Variants in RAB2A observed in about 807,000 individuals in gnomAD.
The protein encoded by RAB2A is RAB2A, member RAS oncogene family.
RAB2A carries 7 observed loss-of-function variants against 32.5 expected under a neutral mutation model. The ratio of observed to expected loss-of-function variants is 0.22; its 90% CI spans 0.12 to 0.40. The LOEUF (loss-of-function observed/expected upper bound fraction) is 0.40. RAB2A is among the 10% of genes least tolerant of loss of function. RAB2A has a pLI of 1.00. For missense variants in RAB2A, 108 were observed against 260.7 expected (o/e 0.41, Z 4.03); for synonymous variants, 79 against 85.2 (o/e 0.93, Z 0.40).
chr8:60,537,159 T>C (rs1027992299), intron 1 of RAB2A, among the ~76,000 whole-genome samples: 3 of 152,214 alleles, frequency 2.0e-5, no homozygotes, highest in Non-Finnish European at 4.4e-5. Context: ...TGTGTGTAAA[T>C]GCATATATAT....
chr8:60,605,884 C>A (rs991243800), intron 6 of RAB2A, among the ~76,000 whole-genome samples: 1 of 142,176 alleles, frequency 7.0e-6, no homozygotes, highest in South Asian at 2.2e-4. Flanking sequence ...GGTGGTGGCT[C>A]ACGCCTATAA....
At chr8:60,580,230 C>T (rs1803720051) in intron 3 of RAB2A, among the ~76,000 whole-genome samples, 2 of 151,676 alleles carry the variant, frequency 1.3e-5, no homozygotes, top group African/African-American at 2.4e-5. Flanking sequence ...CGCCTGACCT[C>T]GTGATCTGCC....
intron 5 of RAB2A, among the ~76,000 whole-genome samples, chr8:60,586,276 A>G (rs1803844588): frequency 1.3e-5 from 2 of 148,292 alleles, no homozygotes. Flanking sequence ...CAGCCTGAGC[A>G]ACAAAGCAAG....
intron 2 of RAB2A, among the ~76,000 whole-genome samples, chr8:60,566,010 G>GC (rs1232160979): frequency 3.3e-5 from 5 of 152,022 alleles, no homozygotes; most frequent in Non-Finnish European, 5.9e-5. Context: ...ACCATGCCTG[G>GC]CCCTCTGTAG....
At chr8:60,528,664 A>G (rs965268256) in intron 1 of RAB2A, among the ~76,000 whole-genome samples, 1 of 151,984 alleles carries the variant, frequency 6.6e-6, no homozygotes. Flanking sequence ...TGTTATCAAG[A>G]TTCCTTTTAT....
At chr8:60,541,976 A>G (rs1330974005) in intron 1 of RAB2A, among the ~76,000 whole-genome samples, 2 of 152,212 alleles carry the variant, frequency 1.3e-5, no homozygotes, top group African/African-American at 4.8e-5. Flanking sequence ...ATACATTCAC[A>G]GGCAGAAAAT....
chr8:60,517,144 G>A lies in RAB2A; in HGVS notation c.-64G>A. On this transcript the variant is annotated 5_prime_UTR_variant, in exon 1 of 8. Coordinates refer to ENST00000262646, the MANE Select transcript of RAB2A (RefSeq NM_002865.3). The stretch of plus-strand genomic sequence containing the variant: ...CGAGGCTGAGCGGCACCGGGGTTGG[G>A]GCGCGGAGGAGGAGCAGCAGCGGGA... 6.9e-7 allele frequency: 1 copy of A among 1,451,228 alleles called. No homozygotes were observed. Among genetic ancestry groups the A allele is most frequent in the Admixed American group, 2.6e-5 (1 of 38,496 alleles). 89.9% of individuals were successfully genotyped at this position (1,451,228 alleles called of 1,614,324 possible).
intron 2 of RAB2A, among the ~76,000 whole-genome samples, chr8:60,560,026 A>G (rs575674521): frequency 6.6e-6 from 1 of 152,332 alleles, no homozygotes; most frequent in African/African-American, 2.4e-5. Context: ...TGATAGTTTT[A>G]AGTGTATACA....
At chr8:60,540,555 C>G (rs1260090473) in intron 1 of RAB2A, among the ~76,000 whole-genome samples, 1 of 152,242 alleles carries the variant, frequency 6.6e-6, no homozygotes, top group Non-Finnish European at 1.5e-5. Flanking sequence ...TCTTGGCTCA[C>G]TGCAACTTCT....
Position 60,584,818 on chromosome 8 carries a change from AAAAAG to A in RAB2A, c.362+4_362+8del. 1 of 1,604,044 alleles carries A rather than the reference AAAAAG, an allele frequency of 6.2e-7. No individual in the cohort carries two copies. Among genetic ancestry groups the A allele is most frequent in the Non-Finnish European group, 8.5e-7 (1 of 1,171,452 alleles). On this transcript the variant is annotated splice_donor_5th_base_variant and intron_variant, in intron 5 of 7. Coordinates refer to ENST00000262646, the MANE Select transcript of RAB2A (RefSeq NM_002865.3). ...ATTATGCTTATTGGAAATAAAAGGT[AAAAAG>A]GCTAATTTAGAGCTTACATTGCATT...
intron 1 of RAB2A, among the ~76,000 whole-genome samples, chr8:60,534,815 C>T (rs999927840): frequency 2.0e-5 from 3 of 152,156 alleles, no homozygotes; most frequent in Admixed American, 6.5e-5. Context: ...TGGATATCTG[C>T]ATTAAGGAGC....
chr8:60,547,791 C>T (rs1339585272), intron 1 of RAB2A, among the ~76,000 whole-genome samples: 17 of 125,416 alleles, frequency 1.4e-4, no homozygotes, highest in Non-Finnish European at 1.7e-5. Flanking sequence ...GGCAGAGGCG[C>T]CCCTCACTTC....
At chr8:60,607,454 T>C (rs531424061) in intron 6 of RAB2A, among the ~76,000 whole-genome samples, 13 of 147,532 alleles carry the variant, frequency 8.8e-5, no homozygotes, top group African/African-American at 3.4e-4. Context: ...AAAAAAGGTT[T>C]TTGTAGAGAC....
At chr8:60,593,179 C>T (rs1352068867) in intron 6 of RAB2A, among the ~76,000 whole-genome samples, 1 of 152,136 alleles carries the variant, frequency 6.6e-6, no homozygotes, top group Non-Finnish European at 1.5e-5. Context: ...AAAGGAGATA[C>T]ATTCTGAGAA....
At chr8:60,584,488 A>C (rs887754179) in intron 4 of RAB2A, among the ~76,000 whole-genome samples, 198 bp downstream of exon 4, 12 of 152,206 alleles carry the variant, frequency 7.9e-5, no homozygotes, top group Non-Finnish European at 1.6e-4. Context: ...AGCACCTTCA[A>C]ATTGAAATCG....
intron 3 of RAB2A, among the ~76,000 whole-genome samples, chr8:60,582,887 A>G (rs1803784712): frequency 6.6e-6 from 1 of 152,174 alleles, no homozygotes; most frequent in African/African-American, 2.4e-5. Flanking sequence ...GGCTCAAGCG[A>G]TCCACCAGTC....
intron 1 of RAB2A, among the ~76,000 whole-genome samples, chr8:60,549,982 A>G (rs11778888): frequency 0.23 from 34,757 of 151,904 alleles, 4,067 homozygotes; most frequent in Middle Eastern, 0.38. Context: ...AACATGGGCT[A>G]TGTCTCAGTC....
chr8:60,535,912 T>G (rs1004713032), intron 1 of RAB2A, among the ~76,000 whole-genome samples: 1 of 152,158 alleles, frequency 6.6e-6, no homozygotes, highest in Admixed American at 6.5e-5. Context: ...CTAGGACACC[T>G]GTCTCCCTGC....
intron 6 of RAB2A, among the ~76,000 whole-genome samples, chr8:60,601,646 A>G (rs925999067): frequency 6.6e-6 from 1 of 152,118 alleles, no homozygotes; most frequent in Non-Finnish European, 1.5e-5. Flanking sequence ...CATATTATGC[A>G]TAGACTCTCT....
Sources: allele counts gnomAD v4.1 joint callset (sites outside exome capture counted in the v4.1 genomes callset), GRCh38; gene constraint gnomAD v4.1.1; transcripts MANE v1.5; gene names NCBI Gene and HGNC (gene_info 2026-07-23, HGNC 2026-07-21).